The following NAP1L1 variants were observed in gnomAD, a reference collection of about 807,000 sequenced individuals.
The protein encoded by NAP1L1 is nucleosome assembly protein 1 like 1.
In NAP1L1, 9 loss-of-function variants were observed where a neutral mutation model predicts 58.9. The ratio of observed to expected loss-of-function variants is 0.15; its 90% CI spans 0.09 to 0.27. The LOEUF (loss-of-function observed/expected upper bound fraction) is 0.27, where lower values mean the gene tolerates loss of function less well. NAP1L1 is among the 10% of genes least tolerant of loss of function. The probability of loss-of-function intolerance (pLI) is 1.00; values close to 1 mark genes in which losing one functional copy is unlikely to be tolerated. For missense variants in NAP1L1, 302 were observed against 458.8 expected (o/e 0.66, Z 3.12); for synonymous variants, 130 against 138.3 (o/e 0.94, Z 0.42).
chr12:76,049,664 G>A, intron 13 of NAP1L1, 92 bp downstream of exon 13: 1 of 1,559,006 alleles, frequency 6.4e-7, no homozygotes, highest in Non-Finnish European at 8.8e-7. Context: ...CCAAATCACA[G>A]AATGATTATA....
Position 76,048,273 on chromosome 12 carries a change from A to T in NAP1L1, c.*156T>A. ...AGAAAAACTAGTTAAAATGCTAGGTAGAACAAATTGGTCTTTAAAATATCA... is the reference window on the plus strand; with the variant it reads ...AGAAAAACTAGTTAAAATGCTAGGTTGAACAAATTGGTCTTTAAAATATCA... On this transcript the variant is annotated 3_prime_UTR_variant, in exon 15 of 15. Coordinates refer to ENST00000618691, the MANE Select transcript of NAP1L1 (RefSeq NM_004537.7). 1 of 712,784 alleles carries T rather than the reference A, an allele frequency of 1.4e-6. No individual in the cohort carries two copies. Among genetic ancestry groups the T allele is most frequent in the Non-Finnish European group, 2.3e-6 (1 of 436,068 alleles). 44.2% of individuals were successfully genotyped at this position (712,784 alleles called of 1,614,324 possible).
chr12:76,049,927 A>G, intron 12 of NAP1L1, 142 bp from the exon 13 acceptor site: 1 of 810,762 alleles, frequency 1.2e-6, no homozygotes, highest in East Asian at 2.6e-5. Flanking sequence ...ATAAATTAAA[A>G]CACATAGTAG....
chr12:76,078,798 G>A lies in NAP1L1; in HGVS notation c.-20-4559C>T, dbSNP rs151092474. Among the ~76,000 whole-genome samples the A allele has an allele frequency of 4.3e-3, 662 of 152,236 alleles. 2 individuals carry two copies. Among genetic ancestry groups the A allele is most frequent in the Non-Finnish European group, 7.1e-3 (485 of 68,008 alleles). On this transcript the variant is annotated intron_variant, in intron 1 of 14. Coordinates refer to ENST00000618691, the MANE Select transcript of NAP1L1 (RefSeq NM_004537.7). ...CAGAATCTAAAGGACTGAAAATACT[G>A]AAATGAAAAGACATGTTAAGATCCA...
chr12:76,078,992 T>TAC (rs753522753), intron 1 of NAP1L1, among the ~76,000 whole-genome samples: 7 of 149,374 alleles, frequency 4.7e-5, no homozygotes, highest in African/African-American at 1.8e-4. Flanking sequence ...CATATATATA[T>TAC]ATACACACAC....
At chr12:76,048,866 C>T (rs753611484) in intron 14 of NAP1L1, 26 of 406,872 alleles carry the variant, frequency 6.4e-5, no homozygotes, top group Middle Eastern at 6.6e-4. Context: ...CCCCAGTTCC[C>T]GAACACTCCT....
At chr12:76,083,376 T>A (rs1002343045) in intron 1 of NAP1L1, among the ~76,000 whole-genome samples, 5 of 151,326 alleles carry the variant, frequency 3.3e-5, no homozygotes, top group Non-Finnish European at 7.4e-5. Flanking sequence ...AAGAACCGTT[T>A]GCAGGGGTGG....
At chr12:76,058,221 A>ATATATATATATATATATATG (rs1158869309) in intron 6 of NAP1L1, 1 of 196,956 alleles carries the variant, frequency 5.1e-6, no homozygotes, top group African/African-American at 2.7e-5. Flanking sequence ...ATATATATAT[A>ATATATATATATATATATATG]TATGTATTCT....
chr12:76,079,546 G>A (rs1447930457), intron 1 of NAP1L1, among the ~76,000 whole-genome samples: 1 of 152,132 alleles, frequency 6.6e-6, no homozygotes, highest in Non-Finnish European at 1.5e-5. Flanking sequence ...TTGGTATCAC[G>A]TATTAATGTC....
chr12:76,064,293 G>A (rs1019747573), intron 4 of NAP1L1, among the ~76,000 whole-genome samples: 1 of 151,920 alleles, frequency 6.6e-6, no homozygotes, highest in African/African-American at 2.4e-5. Flanking sequence ...ACCTAATATG[G>A]CTCCAAAATA....
intron 2 of NAP1L1, among the ~76,000 whole-genome samples, chr12:76,073,419 T>G (rs890418933): frequency 3.3e-5 from 5 of 152,108 alleles, no homozygotes; most frequent in African/African-American, 1.2e-4. Context: ...CCATCCACAT[T>G]AGAATCCTGC....
chr12:76,060,278 G>A lies in NAP1L1; in HGVS notation c.208C>T (p.Leu70=). ...VETPTGYIES[L]PRVVKRRVNA... ...ACTCGTCTTTTAACTACCCTAGGCA[G>A]GCTGAAAGGTTAGAAATCAGTTATA... is the stretch of plus-strand genomic sequence containing the variant. Residue 70 remains leucine (L), a splice_region_variant and synonymous_variant, in exon 5 of 15, where the codon CTG becomes TTG. Transcript: ENST00000618691. 6.2e-7 allele frequency: 1 copy of A among 1,612,976 alleles called. No individual in the cohort carries two copies. The highest frequency in any genetic ancestry group is 8.5e-7 in the Non-Finnish European group (1 of 1,179,538).
At chr12:76,060,575 A>T (rs773942414) in intron 4 of NAP1L1, among the ~76,000 whole-genome samples, 2 of 152,196 alleles carry the variant, frequency 1.3e-5, no homozygotes, top group Non-Finnish European at 2.9e-5. Flanking sequence ...TCATGGACAG[A>T]CCATCTTAAT....
intron 1 of NAP1L1, 34 bp from the exon 2 acceptor site, chr12:76,074,273 T>C (rs1592694138): frequency 3.9e-6 from 6 of 1,533,334 alleles, no homozygotes; most frequent in East Asian, 4.7e-5. Context: ...AAAAAAAAAG[T>C]ATATGATTTA....
rs969965700 is a variant in NAP1L1, at chr12:76,046,744, G to A, written c.*1685C>T. 11 of 152,282 alleles carry A rather than the reference G, an allele frequency of 7.2e-5. No individual in the cohort carries two copies. The highest frequency in any genetic ancestry group is 2.4e-4 in the African/African-American group (10 of 41,378). The allele number at this position is 152,282 out of a possible 1,614,324, so 9.4% of individuals were successfully genotyped here. A position where few individuals can be genotyped will look rare whatever the true frequency, so the allele number is the denominator to read the frequency against. ...CAGGAAATCTAGACCTTCCTCTAAT[G>A]ACAATCCAATAATCCACCCTCACTG... is the stretch of plus-strand genomic sequence containing the variant. On this transcript the variant is annotated 3_prime_UTR_variant, in exon 15 of 15. Coordinates refer to ENST00000618691, the MANE Select transcript of NAP1L1 (RefSeq NM_004537.7).
At chr12:76,049,871 T>C in intron 12 of NAP1L1, 86 bp from the exon 13 acceptor site, 1 of 1,451,764 alleles carries the variant, frequency 6.9e-7, no homozygotes, top group Non-Finnish European at 9.6e-7. Flanking sequence ...CTGTATAAAC[T>C]AGTGTCTAAA....
intron 10 of NAP1L1, 47 bp from the exon 11 acceptor site, chr12:76,053,157 T>C: frequency 6.2e-7 from 1 of 1,612,138 alleles, no homozygotes; most frequent in Non-Finnish European, 8.5e-7. Flanking sequence ...AGCTAAGCAA[T>C]GCTTTTTATA....
intron 6 of NAP1L1, chr12:76,057,928 T>C (rs1949196583): frequency 1.8e-6 from 2 of 1,131,366 alleles, no homozygotes; most frequent in Admixed American, 1.9e-5. Context: ...TGACAAGGGT[T>C]GTGGCCTTGT....
chr12:76,076,783 G>A lies in NAP1L1; in HGVS notation c.-20-2544C>T, dbSNP rs1462465034. The stretch of plus-strand genomic sequence containing the variant: ...TGTGTCTCTGGGTGATTGTATTGTT[G>A]TTCAAACATCAGAGTATACTTACAC... On this transcript the variant is annotated intron_variant, in intron 1 of 14. Coordinates refer to ENST00000618691, the MANE Select transcript of NAP1L1 (RefSeq NM_004537.7). 4.6e-5 allele frequency among the ~76,000 whole-genome samples: 7 copies of A among 152,022 alleles called. No homozygotes were observed. In the East Asian group the frequency reaches 1.4e-3, roughly 29 times the overall value.
chr12:76,083,036 A>G (rs1481513357), intron 1 of NAP1L1, among the ~76,000 whole-genome samples: 1 of 152,206 alleles, frequency 6.6e-6, no homozygotes, highest in Non-Finnish European at 1.5e-5. Flanking sequence ...AAAACTGATC[A>G]GTGACCGTCT....
Sources: allele counts gnomAD v4.1 joint callset (sites outside exome capture counted in the v4.1 genomes callset), GRCh38; gene constraint gnomAD v4.1.1; transcripts MANE v1.5; gene names NCBI Gene and HGNC (gene_info 2026-07-23, HGNC 2026-07-21).